The following HMOX2 variants were observed in gnomAD, a reference collection of about 807,000 sequenced individuals.
HMOX2 encodes heme oxygenase (decycling) 2.
Under a neutral mutation model 33.7 loss-of-function variants are expected in HMOX2, and 30 were observed. That is an observed-to-expected ratio of 0.89 (90% CI 0.67 to 1.21). The LOEUF (loss-of-function observed/expected upper bound fraction) is 1.21, where lower values mean the gene tolerates loss of function less well. Among genes scored for constraint, HMOX2 ranks in the 50% most tolerant of loss-of-function variants. HMOX2 has a pLI of 0.00. For synonymous variants in HMOX2, 155 were observed against 155.0 expected (o/e 1.00, Z 0.00); for missense variants, 403 against 399.1 (o/e 1.01, Z -0.08).
intron 1 of HMOX2, among the ~76,000 whole-genome samples, chr16:4,479,726 A>ATTTTTTTTTTTTTT (rs58936845): frequency 1.3e-5 from 1 of 79,874 alleles, no homozygotes; most frequent in East Asian, 3.5e-4. Context: ...TTCTTATTCT[A>ATTTTTTTTTTTTTT]TTTTTTTTTT....
intron 1 of HMOX2, among the ~76,000 whole-genome samples, chr16:4,494,513 A>C (rs1398072262): frequency 6.6e-6 from 1 of 152,010 alleles, no homozygotes; most frequent in Non-Finnish European, 1.5e-5. Flanking sequence ...TCTGCTCTTT[A>C]AGTGTGGTTA....
At position 4,498,219 on chromosome 16, in the gene HMOX2, C is replaced by T. The variant is rs577166645; in HGVS notation, c.-41-7265C>T. Among the ~76,000 whole-genome samples the T allele has an allele frequency of 2.0e-5, 3 of 151,948 alleles. No individual in the cohort carries two copies. In the East Asian group the frequency reaches 5.8e-4, roughly 29 times the overall value. On this transcript the variant is annotated intron_variant, in intron 1 of 5. Coordinates refer to ENST00000570646, the MANE Select transcript of HMOX2 (RefSeq NM_002134.4). Reference sequence around the variant, plus strand: ...ATTTGGGATTAGAGTCACACACCACCACACCTGGCTAATTTTTTTATATTT... The same window carrying T: ...ATTTGGGATTAGAGTCACACACCACTACACCTGGCTAATTTTTTTATATTT...
chr16:4,507,603 A>T, intron 3 of HMOX2, 110 bp from the exon 4 acceptor site: 1 of 1,083,232 alleles, frequency 9.2e-7, no homozygotes, highest in Non-Finnish European at 1.3e-6. Context: ...ATAAAAATGG[A>T]CCATAGGATT....
intron 1 of HMOX2, among the ~76,000 whole-genome samples, chr16:4,505,052 CT>C (rs2058656498): frequency 6.6e-6 from 1 of 152,190 alleles, no homozygotes; most frequent in South Asian, 2.1e-4. Context: ...AGATTCACTG[CT>C]AGGATTTTGC....
At chr16:4,478,303 C>G (rs1337987167) in intron 1 of HMOX2, among the ~76,000 whole-genome samples, 1 of 152,198 alleles carries the variant, frequency 6.6e-6, no homozygotes, top group Non-Finnish European at 1.5e-5. Flanking sequence ...CTCATCAAGT[C>G]TGTTGAAAAC....
At chr16:4,507,161 T>C in intron 3 of HMOX2, 149 bp downstream of exon 3, 1 of 678,342 alleles carries the variant, frequency 1.5e-6, no homozygotes, top group East Asian at 2.5e-5. Context: ...GCTCTGGCTC[T>C]CGGCTGGGTA....
intron 1 of HMOX2, among the ~76,000 whole-genome samples, chr16:4,497,920 T>G (rs2058461998): frequency 6.6e-6 from 1 of 152,170 alleles, no homozygotes; most frequent in Non-Finnish European, 1.5e-5. Flanking sequence ...TTGAGGTTAC[T>G]TAAGAGGTTA....
chr16:4,491,784 C>A (rs1030226102), intron 1 of HMOX2, among the ~76,000 whole-genome samples: 2 of 151,986 alleles, frequency 1.3e-5, no homozygotes, highest in Non-Finnish European at 1.5e-5. Flanking sequence ...TCTCGGCTCA[C>A]TGCAACCTCC....
intron 1 of HMOX2, among the ~76,000 whole-genome samples, chr16:4,505,080 A>C (rs1413293762): frequency 1.3e-5 from 2 of 152,132 alleles, no homozygotes; most frequent in East Asian, 3.9e-4. Context: ...TGCTTTTCTG[A>C]CTTGCCAGTG....
chr16:4,487,818 G>A lies in HMOX2; in HGVS notation c.-42+11331G>A, dbSNP rs1307014782. Reference sequence around the variant, plus strand: ...AAAAAAAAATTAGCCGGGCGCGGTGGCATATGCCTGTAATCCCAGCTACTC... The same window carrying A: ...AAAAAAAAATTAGCCGGGCGCGGTGACATATGCCTGTAATCCCAGCTACTC... On this transcript the variant is annotated intron_variant, in intron 1 of 5. Coordinates refer to ENST00000570646, the MANE Select transcript of HMOX2 (RefSeq NM_002134.4). Among the ~76,000 whole-genome samples the A allele has an allele frequency of 4.6e-5, 7 of 151,830 alleles. No homozygotes were observed. In the East Asian group the frequency reaches 1.2e-3, roughly 25 times the overall value.
At chr16:4,497,704 A>G (rs183585709) in intron 1 of HMOX2, among the ~76,000 whole-genome samples, 70 of 152,256 alleles carry the variant, frequency 4.6e-4, no homozygotes, top group Admixed American at 8.5e-4. Flanking sequence ...CTTCTCCAGT[A>G]AAAAAGCCTG....
intron 1 of HMOX2, chr16:4,495,778 T>C (rs2058402254): frequency 6.6e-6 from 1 of 152,250 alleles, no homozygotes; most frequent in Non-Finnish European, 1.5e-5. Flanking sequence ...TCAGTTACTA[T>C]GGCAGTGGGT....
intron 1 of HMOX2, among the ~76,000 whole-genome samples, chr16:4,490,004 ATCAT>A (rs761551949): frequency 7.9e-5 from 12 of 152,340 alleles, no homozygotes; most frequent in Middle Eastern, 3.4e-3. Flanking sequence ...TATTCTGGAA[ATCAT>A]TCATTCAGTC....
At chr16:4,474,950 T>A (rs2057773338), upstream of HMOX2, 1 of 152,118 alleles carries the variant, frequency 6.6e-6, no homozygotes, top group African/African-American at 2.4e-5. Flanking sequence ...CTTTTAAAAT[T>A]TTATTATTTT....
chr16:4,507,995 G>C lies in HMOX2; in HGVS notation c.487G>C (p.Gly163Arg), dbSNP rs140824852. 5.0e-6 allele frequency: 8 copies of C among 1,613,922 alleles called. No individual in the cohort carries two copies. The highest frequency in any genetic ancestry group is 6.8e-6 in the Non-Finnish European group (8 of 1,180,004). Reference sequence around the variant, plus strand: ...CACCCGCTACATGGGGGATCTCTCGGGGGGCCAGGTGCTGAAGAAGGTGGC... The same window carrying C: ...CACCCGCTACATGGGGGATCTCTCGCGGGGCCAGGTGCTGAAGAAGGTGGC... ...AYTRYMGDLS[G>R]GQVLKKVAQR... Residue 163 changes from glycine (G) to arginine (R), a missense_variant, in exon 4 of 6, where the codon GGG (glycine) becomes CGG (arginine). Physicochemically the swap from Gly to Arg is moderately radical, Grantham distance 125 (BLOSUM62 -2). Coordinates refer to ENST00000570646, the MANE Select transcript of HMOX2 (RefSeq NM_002134.4).
At chr16:4,481,348 CA>C (rs60035479) in intron 1 of HMOX2, among the ~76,000 whole-genome samples, 58,100 of 113,406 alleles carry the variant, frequency 0.51, 14,576 homozygotes, top group Non-Finnish European at 0.63. Flanking sequence ...GACTCCGTCT[CA>C]AAAAAAAAAA....
intron 2 of HMOX2, among the ~76,000 whole-genome samples, chr16:4,505,922 C>T (rs568126243): frequency 3.9e-5 from 6 of 152,118 alleles, no homozygotes; most frequent in South Asian, 4.1e-4. Flanking sequence ...AAAGGGTAAA[C>T]GCAGGCAAAG....
chr16:4,482,994 C>T (rs1417510052), intron 1 of HMOX2, among the ~76,000 whole-genome samples: 1 of 151,890 alleles, frequency 6.6e-6, no homozygotes, highest in Non-Finnish European at 1.5e-5. Flanking sequence ...CACGCCACCG[C>T]ACTCCATCCA....
intron 1 of HMOX2, among the ~76,000 whole-genome samples, chr16:4,492,043 G>C (rs1361252137): frequency 6.6e-6 from 1 of 152,074 alleles, no homozygotes; most frequent in East Asian, 1.9e-4. Context: ...CATACAGGCA[G>C]CATCAAAACT....
Sources: allele counts gnomAD v4.1 joint callset (sites outside exome capture counted in the v4.1 genomes callset), GRCh38; gene constraint gnomAD v4.1.1; transcripts MANE v1.5; gene names NCBI Gene and HGNC (gene_info 2026-07-23, HGNC 2026-07-21).